The following ANO3 variants were observed in gnomAD, a reference collection of about 807,000 sequenced individuals.
ANO3 encodes the protein anoctamin-3.
ANO3 carries 99 observed loss-of-function variants against 144.8 expected under a neutral mutation model. The ratio of observed to expected loss-of-function variants is 0.68; its 90% CI spans 0.58 to 0.81. The LOEUF is 0.81. ANO3 is among the 30% of genes least tolerant of loss of function. The pLI is 0.00. For synonymous variants in ANO3, 414 were observed against 392.6 expected (o/e 1.05, Z -0.64); for missense variants, 905 against 1,202.2 (o/e 0.75, Z 3.66).
At chr11:26,233,628 A>G (rs1462844412) in intron 1 of ANO3, among the ~76,000 whole-genome samples, 2 of 152,238 alleles carry the variant, frequency 1.3e-5, no homozygotes, top group African/African-American at 4.8e-5. Context: ...TTCTACTATA[A>G]AGACACATGC....
intron 1 of ANO3, among the ~76,000 whole-genome samples, chr11:26,252,493 G>C (rs1430338432): frequency 6.6e-6 from 1 of 152,110 alleles, no homozygotes. Flanking sequence ...GCAGTTTTTA[G>C]ACTCTTCTCT....
At chr11:26,424,107 C>T (rs1245782355) in intron 1 of ANO3, among the ~76,000 whole-genome samples, 2 of 151,880 alleles carry the variant, frequency 1.3e-5, no homozygotes. Context: ...GAATATTTAT[C>T]TCCAACTCGG....
At chr11:26,445,553 T>A (rs1221964610) in intron 3 of ANO3, among the ~76,000 whole-genome samples, 1 of 152,208 alleles carries the variant, frequency 6.6e-6, no homozygotes, top group Non-Finnish European at 1.5e-5. Flanking sequence ...CCTGTGTTTA[T>A]ATCTCTCCAG....
At chr11:26,334,115 T>A (rs368943664) in intron 1 of ANO3, among the ~76,000 whole-genome samples, 12 of 152,224 alleles carry the variant, frequency 7.9e-5, no homozygotes, top group African/African-American at 2.2e-4. Context: ...GATAAGAAAT[T>A]GTGCAATTGC....
At chr11:26,490,799 C>G (rs1250411203) in intron 4 of ANO3, among the ~76,000 whole-genome samples, 2 of 152,146 alleles carry the variant, frequency 1.3e-5, no homozygotes, top group African/African-American at 4.8e-5. Context: ...CAAGTGTTTC[C>G]TTCATGAAAG....
chr11:26,623,812 G>A (rs920172052), intron 17 of ANO3, among the ~76,000 whole-genome samples: 3 of 150,132 alleles, frequency 2.0e-5, no homozygotes, highest in East Asian at 1.9e-4. Flanking sequence ...TTTTTGAGAC[G>A]GAGTCTCACT....
At chr11:26,310,954 AT>A (rs202187753) in intron 1 of ANO3, among the ~76,000 whole-genome samples, 3,026 of 151,934 alleles carry the variant, frequency 0.02, 93 homozygotes, top group African/African-American at 0.066. Flanking sequence ...CTTTGCTATT[AT>A]TTTTTTTCTT....
rs72002807 is a variant in ANO3 at position 26,627,814 on chromosome 11, A to AGTGTGTGTGTGTGT, written c.1873+3344_1873+3357dup. 3.9e-3 allele frequency among the ~76,000 whole-genome samples: 511 copies of AGTGTGTGTGTGTGT among 131,248 alleles called. 6 individuals are homozygous for AGTGTGTGTGTGTGT. Among genetic ancestry groups the AGTGTGTGTGTGTGT allele is most frequent in the African/African-American group, 0.011 (381 of 34,954 alleles). The allele number at this position is 131,248 out of a possible 152,430, so 86.1% of individuals were successfully genotyped here. On this transcript the variant is annotated intron_variant, in intron 18 of 26. Coordinates refer to ENST00000256737, the MANE Select transcript of ANO3 (RefSeq NM_031418.4). ...TAGTTTGATTAAAATAATAGAATCT[A>AGTGTGTGTGTGTGT]GTGTGTGTGTGTGTGTGTGTGTGTG...
At chr11:26,194,208 A>G (rs1851533501) in intron 1 of ANO3, among the ~76,000 whole-genome samples, 1 of 152,146 alleles carries the variant, frequency 6.6e-6, no homozygotes, top group African/African-American at 2.4e-5. Context: ...TATATGAGGC[A>G]AATTGCAAAA....
intron 1 of ANO3, among the ~76,000 whole-genome samples, chr11:26,403,395 C>G (rs968329955): frequency 6.6e-6 from 1 of 151,852 alleles, no homozygotes; most frequent in African/African-American, 2.4e-5. Context: ...CAATTAGGTT[C>G]AAGTATATAT....
At chr11:26,482,166 G>T (rs923357804) in intron 4 of ANO3, among the ~76,000 whole-genome samples, 14 of 151,794 alleles carry the variant, frequency 9.2e-5, no homozygotes, top group African/African-American at 3.4e-4. Flanking sequence ...CCAAAGTTCT[G>T]GGGTCACAGG....
intron 4 of ANO3, among the ~76,000 whole-genome samples, chr11:26,484,269 A>G (rs991812044): frequency 3.9e-5 from 6 of 152,176 alleles, no homozygotes; most frequent in East Asian, 3.9e-4. Flanking sequence ...AAAAATTTGC[A>G]TAAGTAAAGA....
At chr11:26,224,024 G>A (rs772751014) in intron 1 of ANO3, among the ~76,000 whole-genome samples, 28 of 152,160 alleles carry the variant, frequency 1.8e-4, no homozygotes, top group Non-Finnish European at 2.9e-4. Flanking sequence ...GTTGGAAAAG[G>A]TTTTGGCTAA....
chr11:26,391,823 C>T (rs1856888301), intron 1 of ANO3, among the ~76,000 whole-genome samples: 1 of 152,088 alleles, frequency 6.6e-6, no homozygotes, highest in Non-Finnish European at 1.5e-5. Flanking sequence ...TGGAAACACT[C>T]ATACATTCTC....
chr11:26,195,702 T>C (rs532019748), intron 1 of ANO3, among the ~76,000 whole-genome samples: 1 of 152,224 alleles, frequency 6.6e-6, no homozygotes, highest in Non-Finnish European at 1.5e-5. Flanking sequence ...TAATTCTCTA[T>C]ATCCTGAATT....
chr11:26,536,042 G>A (rs1215879748), intron 9 of ANO3, among the ~76,000 whole-genome samples: 1 of 151,942 alleles, frequency 6.6e-6, no homozygotes, highest in Non-Finnish European at 1.5e-5. Context: ...AAAATAAGCT[G>A]GGTGCGGTGG....
intron 1 of ANO3, among the ~76,000 whole-genome samples, chr11:26,386,616 A>G (rs1033388371): frequency 1.3e-5 from 2 of 152,202 alleles, no homozygotes; most frequent in African/African-American, 2.4e-5. Context: ...TGAGAAGAAT[A>G]CAACATTATT....
intron 4 of ANO3, among the ~76,000 whole-genome samples, chr11:26,489,611 G>T (rs958619167): frequency 3.9e-5 from 6 of 152,212 alleles, no homozygotes; most frequent in South Asian, 4.1e-4. Flanking sequence ...ATCCAGAAGG[G>T]AGGGTGTACC....
At chr11:26,534,729 CA>C (rs567735847) in intron 9 of ANO3, among the ~76,000 whole-genome samples, 167 bp downstream of exon 9, 44 of 151,684 alleles carry the variant, frequency 2.9e-4, no homozygotes, top group Admixed American at 9.2e-4. Flanking sequence ...TTTAATAAAA[CA>C]AAAAAAACTT....
Sources: gnomAD v4.1 joint callset for allele counts (sites outside exome capture counted in the v4.1 genomes callset) on GRCh38, gnomAD v4.1.1 for gene constraint, MANE v1.5 for transcripts, NCBI Gene and HGNC (gene_info 2026-07-23, HGNC 2026-07-21) for gene names.